XNDC1N: variants seen among roughly 807,000 people sequenced by gnomAD.
XNDC1N encodes the protein XRCC1 N-terminal domain containing 1, N-terminal like, also known as protein XNDC1N.
At chr11:71,873,678 G>A in the XNDC1N span, among the ~76,000 whole-genome samples, 4 of 152,222 alleles carry the variant, frequency 2.6e-5, no homozygotes, top group African/African-American at 9.6e-5. Context: ...TTATGGAAGA[G>A]CAAGAAAACT....
At chr11:71,922,855 G>T in the XNDC1N span, among the ~76,000 whole-genome samples, 1 of 152,170 alleles carries the variant, frequency 6.6e-6, no homozygotes, top group South Asian at 2.1e-4. Context: ...CATCAGATCA[G>T]GCCTGGTCTC....
the XNDC1N span, among the ~76,000 whole-genome samples, chr11:71,921,224 A>C: frequency 6.6e-6 from 1 of 152,058 alleles, no homozygotes; most frequent in Non-Finnish European, 1.5e-5. Flanking sequence ...GCATAATCAC[A>C]GCTCACTGTA....
At chr11:71,909,965 G>A in the XNDC1N span, among the ~76,000 whole-genome samples, 1 of 152,106 alleles carries the variant, frequency 6.6e-6, no homozygotes, top group Non-Finnish European at 1.5e-5. Context: ...CAAGAGAGAA[G>A]ACCAGCTCTG....
the XNDC1N span, among the ~76,000 whole-genome samples, chr11:71,879,563 T>A: frequency 6.6e-6 from 1 of 152,166 alleles, no homozygotes; most frequent in African/African-American, 2.4e-5. Context: ...TATATAATTA[T>A]AAATAATTAT....
At chr11:71,925,799 G>C in the XNDC1N span, 3 of 151,950 alleles carry the variant, frequency 2.0e-5, no homozygotes, top group African/African-American at 7.3e-5. Context: ...AGAATGGCGT[G>C]AACCTGGGAG....
the XNDC1N span, chr11:71,927,820 A>G: frequency 1.3e-5 from 2 of 152,350 alleles, no homozygotes; most frequent in African/African-American, 2.4e-5. Flanking sequence ...ATTAAGTGTC[A>G]CAAAATAAAA....
chr11:71,889,720 C>T, the XNDC1N span, among the ~76,000 whole-genome samples: 131 of 152,288 alleles, frequency 8.6e-4, no homozygotes, highest in Middle Eastern at 3.4e-3. Context: ...TGATATGAGG[C>T]AAGGTCTAGC....
chr11:71,898,114 G>T, the XNDC1N span, among the ~76,000 whole-genome samples: 2 of 152,130 alleles, frequency 1.3e-5, no homozygotes, highest in African/African-American at 2.4e-5. Context: ...AACCCAGGAG[G>T]CGGAGGTTGG....
chr11:71,865,869 T>C, the XNDC1N span: 2 of 437,946 alleles, frequency 4.6e-6, no homozygotes, highest in Non-Finnish European at 8.9e-6. Context: ...GAGCAAAAAA[T>C]AAGTAAATAA....
At chr11:71,886,018 C>A in the XNDC1N span, among the ~76,000 whole-genome samples, 4 of 151,824 alleles carry the variant, frequency 2.6e-5, no homozygotes, top group African/African-American at 7.3e-5. Flanking sequence ...TGCGGTAAGT[C>A]GCATTGCGCC....
At chr11:71,924,045 T>G in the XNDC1N span, among the ~76,000 whole-genome samples, 4 of 152,202 alleles carry the variant, frequency 2.6e-5, no homozygotes, top group Admixed American at 2.6e-4. Flanking sequence ...GAATTGTGCC[T>G]TAAATTGTAC....
the XNDC1N span, among the ~76,000 whole-genome samples, chr11:71,889,417 G>C: frequency 6.6e-6 from 1 of 152,140 alleles, no homozygotes; most frequent in Non-Finnish European, 1.5e-5. Flanking sequence ...TCCCCCTTCT[G>C]GGCATCAGGG....
chr11:71,922,725 C>A, the XNDC1N span, among the ~76,000 whole-genome samples: 1 of 152,142 alleles, frequency 6.6e-6, no homozygotes, highest in Non-Finnish European at 1.5e-5. Flanking sequence ...AGACTTATGG[C>A]CCCAAATGCC....
chr11:71,919,930 T>C, the XNDC1N span, among the ~76,000 whole-genome samples: 1 of 31,454 alleles, frequency 3.2e-5, no homozygotes, highest in Admixed American at 3.0e-4. Flanking sequence ...AGCAGGCCTC[T>C]TTTTTTTTTT....
the XNDC1N span, among the ~76,000 whole-genome samples, chr11:71,887,068 G>C: frequency 1.2e-4 from 19 of 152,228 alleles, no homozygotes; most frequent in Non-Finnish European, 2.5e-4. Flanking sequence ...CCTGGCAGAA[G>C]GGTTCTTGAA....
At chr11:71,869,073 T>G in the XNDC1N span, among the ~76,000 whole-genome samples, 766 of 152,272 alleles carry the variant, frequency 5.0e-3, 6 homozygotes, top group African/African-American at 0.017. Flanking sequence ...TTATTATACT[T>G]TAAGTTCTAG....
chr11:71,899,785 G>A, the XNDC1N span, among the ~76,000 whole-genome samples: 1 of 151,388 alleles, frequency 6.6e-6, no homozygotes, highest in Non-Finnish European at 1.5e-5. Context: ...CCTGACCGTC[G>A]CCGAGCCCGA....
At chr11:71,871,707 G>A in the XNDC1N span, among the ~76,000 whole-genome samples, 16 of 152,086 alleles carry the variant, frequency 1.1e-4, no homozygotes, top group African/African-American at 3.9e-4. Flanking sequence ...CAAAAGATTT[G>A]AGTACACATT....
At chr11:71,878,446 T>C in the XNDC1N span, 1 of 1,611,588 alleles carries the variant, frequency 6.2e-7, no homozygotes, top group Non-Finnish European at 8.5e-7. Context: ...GCTTTACCTA[T>C]TCAACCATGA....
Sources: allele counts gnomAD v4.1 joint callset (sites outside exome capture counted in the v4.1 genomes callset), GRCh38; gene constraint gnomAD v4.1.1; transcripts MANE v1.5; gene names NCBI Gene and HGNC (gene_info 2026-07-23, HGNC 2026-07-21).